Variants in DNAH7 observed in about 807,000 individuals in gnomAD.
The protein encoded by DNAH7 is axonemal beta dynein heavy chain 7.
Under a neutral mutation model 444.6 loss-of-function variants are expected in DNAH7, and 397 were observed. That is an observed-to-expected ratio of 0.89 (90% CI 0.82 to 0.97). DNAH7 has a LOEUF of 0.97. Ranked by LOEUF, DNAH7 falls within the 50% of genes least tolerant of loss-of-function variation. The pLI, the probability that DNAH7 is intolerant of heterozygous loss-of-function variation, is 0.00. For synonymous variants in DNAH7, 1,636 were observed against 1,624.4 expected (o/e 1.01, Z -0.17); for missense variants, 4,902 against 4,800.8 (o/e 1.02, Z -0.62).
intron 25 of DNAH7, among the ~76,000 whole-genome samples, chr2:195,907,241 A>ATT (rs148930748): frequency 6.8e-4 from 101 of 148,652 alleles, no homozygotes; most frequent in African/African-American, 2.4e-3. Flanking sequence ...TCCTTTCTGC[A>ATT]TTTTTTTTTT....
chr2:196,005,307 A>AATATAT (rs370849889), intron 10 of DNAH7, among the ~76,000 whole-genome samples: 2 of 148,052 alleles, frequency 1.4e-5, no homozygotes, highest in African/African-American at 2.5e-5. Flanking sequence ...AACAAACAAA[A>AATATAT]ATATATATAT....
At chr2:195,980,061 CAAAAAAAAAAAAA>C (rs59664135) in intron 15 of DNAH7, among the ~76,000 whole-genome samples, 6 of 75,054 alleles carry the variant, frequency 8.0e-5, no homozygotes, top group African/African-American at 2.2e-4. Flanking sequence ...CAAACTAATA[CAAAAAAAAAAAAA>C]AAAAAAAAAA....
At chr2:195,989,926 T>G (rs968790497) in intron 12 of DNAH7, among the ~76,000 whole-genome samples, 1 of 152,174 alleles carries the variant, frequency 6.6e-6, no homozygotes, top group Admixed American at 6.5e-5. Context: ...ATAAGCCAAT[T>G]AAACCTCTTT....
intron 5 of DNAH7, among the ~76,000 whole-genome samples, chr2:196,031,058 C>T (rs1369242803): frequency 6.6e-6 from 1 of 152,226 alleles, no homozygotes; most frequent in Non-Finnish European, 1.5e-5. Flanking sequence ...CCATGAGGGC[C>T]CTGCCCTTGC....
At chr2:196,055,187 C>A (rs2125875824) in intron 2 of DNAH7, among the ~76,000 whole-genome samples, 1 of 152,188 alleles carries the variant, frequency 6.6e-6, no homozygotes, top group South Asian at 2.1e-4. Flanking sequence ...GAAACCCTGT[C>A]TCTACCAAAA....
chr2:196,053,762 T>C (rs1697633210), intron 2 of DNAH7, among the ~76,000 whole-genome samples: 1 of 152,206 alleles, frequency 6.6e-6, no homozygotes, highest in Admixed American at 6.5e-5. Flanking sequence ...CTCAACATAC[T>C]CCAAACTATT....
intron 48 of DNAH7, among the ~76,000 whole-genome samples, chr2:195,826,827 A>G (rs1697781857): frequency 6.6e-6 from 1 of 152,214 alleles, no homozygotes; most frequent in African/African-American, 2.4e-5. Context: ...CAGTGTATCT[A>G]AATAGTGAGG....
At chr2:195,918,684 T>C (rs1403511652) in intron 24 of DNAH7, among the ~76,000 whole-genome samples, 5 of 152,240 alleles carry the variant, frequency 3.3e-5, no homozygotes, top group African/African-American at 1.2e-4. Context: ...AGATACTATA[T>C]GACACTTTGG....
intron 40 of DNAH7, among the ~76,000 whole-genome samples, chr2:195,868,188 C>T (rs1467554633): frequency 2.0e-5 from 3 of 149,580 alleles, no homozygotes; most frequent in East Asian, 2.0e-4. Flanking sequence ...CTCCGCCTCC[C>T]GGGTTCATGC....
chr2:195,766,323 C>G (rs1254686623), intron 61 of DNAH7, among the ~76,000 whole-genome samples: 1 of 151,300 alleles, frequency 6.6e-6, no homozygotes, highest in Non-Finnish European at 1.5e-5. Flanking sequence ...ACAGGCATCT[C>G]CCACCATGCC....
intron 46 of DNAH7, among the ~76,000 whole-genome samples, chr2:195,849,570 A>G (rs1158460173): frequency 6.6e-6 from 1 of 152,076 alleles, no homozygotes; most frequent in Non-Finnish European, 1.5e-5. Flanking sequence ...TTCTATACAC[A>G]GTTGCTTCTG....
chr2:195,928,349 G>C (rs1477732054), intron 21 of DNAH7, among the ~76,000 whole-genome samples: 1 of 151,904 alleles, frequency 6.6e-6, no homozygotes, highest in African/African-American at 2.4e-5. Context: ...CAAGTACTTT[G>C]ACAATCAAAA....
intron 20 of DNAH7, among the ~76,000 whole-genome samples, chr2:195,935,112 C>A (rs777574875): frequency 6.6e-6 from 1 of 152,122 alleles, no homozygotes; most frequent in Non-Finnish European, 1.5e-5. Context: ...AAGGAGAAAA[C>A]CAATCTTGAC....
intron 10 of DNAH7, among the ~76,000 whole-genome samples, chr2:196,004,392 G>A (rs1252271861): frequency 6.6e-6 from 1 of 151,978 alleles, no homozygotes; most frequent in Non-Finnish European, 1.5e-5. Flanking sequence ...AATAGTTGAT[G>A]GTCATAAAAT....
chr2:195,828,605 TA>T (rs1261589938), intron 48 of DNAH7, among the ~76,000 whole-genome samples: 3 of 101,726 alleles, frequency 2.9e-5, no homozygotes, highest in African/African-American at 1.3e-4. Context: ...TATATATATA[TA>T]TATATTTTTT....
intron 54 of DNAH7, among the ~76,000 whole-genome samples, chr2:195,802,356 T>C (rs901393831): frequency 3.9e-5 from 6 of 152,070 alleles, no homozygotes; most frequent in Admixed American, 3.3e-4. Context: ...ACTAAAAATA[T>C]GGGTATGGTG....
Position 196,006,896 on chromosome 2 carries a change from A to G in DNAH7, c.990-5038T>C, listed in dbSNP as rs138246271. Among the ~76,000 whole-genome samples the G allele has an allele frequency of 5.4e-3, 826 of 152,242 alleles. 3 individuals are homozygous for G. Among genetic ancestry groups the G allele is most frequent in the Non-Finnish European group, 1.0e-2 (677 of 68,002 alleles). On this transcript the variant is annotated intron_variant, in intron 10 of 64. Coordinates refer to ENST00000312428, the MANE Select transcript of DNAH7 (RefSeq NM_018897.3). ...TATAAAATTACATACATAATTACATACAAAAAATGTAATACACATATACTG... is the reference window on the plus strand; with the variant it reads ...TATAAAATTACATACATAATTACATGCAAAAAATGTAATACACATATACTG...
intron 64 of DNAH7, among the ~76,000 whole-genome samples, chr2:195,740,384 C>G (rs62201469): frequency 0.091 from 13,841 of 151,998 alleles, 690 homozygotes; most frequent in African/African-American, 0.13. Flanking sequence ...ATGTTAATGA[C>G]TCAACATTGT....
intron 63 of DNAH7, among the ~76,000 whole-genome samples, chr2:195,745,119 C>T (rs535062504): frequency 4.9e-4 from 75 of 152,180 alleles, no homozygotes; most frequent in African/African-American, 1.7e-3. Flanking sequence ...AAAATTTAGA[C>T]GAATGTGTAA....
Sources: gnomAD v4.1 joint callset for allele counts (sites outside exome capture counted in the v4.1 genomes callset) on GRCh38, gnomAD v4.1.1 for gene constraint, MANE v1.5 for transcripts, NCBI Gene and HGNC (gene_info 2026-07-23, HGNC 2026-07-21) for gene names.